CERS4: variants seen among roughly 807,000 people sequenced by gnomAD.
The protein encoded by CERS4 is LAG1 homolog, ceramide synthase 4.
A neutral mutation model predicts 51.8 loss-of-function variants in CERS4; 65 were observed. The observed-to-expected ratio is 1.26, with a 90% CI of 1.03 to 1.54. The LOEUF (loss-of-function observed/expected upper bound fraction) is 1.54, where lower values mean the gene tolerates loss of function less well. Among genes scored for constraint, CERS4 ranks in the 40% most tolerant of loss-of-function variants. The pLI, the probability that CERS4 is intolerant of heterozygous loss-of-function variation, is 0.00. For synonymous variants in CERS4, 228 were observed against 208.4 expected (o/e 1.09, Z -0.81); for missense variants, 563 against 500.4 (o/e 1.13, Z -1.19).
intron 10 of CERS4, among the ~76,000 whole-genome samples, chr19:8,258,830 A>G (rs1299632209): frequency 2.6e-4 from 40 of 151,020 alleles, no homozygotes; most frequent in Admixed American, 2.6e-3. Flanking sequence ...TGACAGAGGG[A>G]GACTTTGTCT....
chr19:8,254,459 C>T lies in CERS4; in HGVS notation c.174-40C>T, dbSNP rs1969261757. On this transcript the variant is annotated intron_variant, in intron 3 of 11. Coordinates refer to ENST00000251363, the MANE Select transcript of CERS4 (RefSeq NM_024552.3). ...CCCCCACACACAGGCAGTCCCATCT[C>T]TTCACCTGGGCTGATAGGCTCTGTC... The T allele has an allele frequency of 1.9e-6, 3 of 1,598,280 alleles. No homozygotes were observed. The South Asian group carries it at 3.3e-5, about 18-fold the overall frequency.
At chr19:8,232,987 C>T (rs1433782539) in intron 2 of CERS4, among the ~76,000 whole-genome samples, 2 of 148,120 alleles carry the variant, frequency 1.4e-5, no homozygotes, top group South Asian at 2.1e-4. Flanking sequence ...ATCCTCCCGC[C>T]TTGACTTCCC....
At chr19:8,234,805 C>T (rs1407445400) in intron 2 of CERS4, among the ~76,000 whole-genome samples, 4 of 151,600 alleles carry the variant, frequency 2.6e-5, no homozygotes, top group Non-Finnish European at 4.4e-5. Flanking sequence ...CCACCTGCCT[C>T]GGCTTCTCAT....
intron 8 of CERS4, 76 bp from the exon 9 acceptor site, chr19:8,256,873 C>A: frequency 6.2e-7 from 1 of 1,608,668 alleles, no homozygotes; most frequent in Non-Finnish European, 8.5e-7. Flanking sequence ...CTGAAAGGAC[C>A]CACTTCTTGG....
chr19:8,221,894 T>TG (rs1967575127), intron 2 of CERS4, among the ~76,000 whole-genome samples: 1 of 128,206 alleles, frequency 7.8e-6, no homozygotes, highest in Non-Finnish European at 1.7e-5. Context: ...TTTTTTTTTT[T>TG]TTTTTGAGAC....
At chr19:8,244,352 C>T (rs1395311238) in intron 2 of CERS4, among the ~76,000 whole-genome samples, 3 of 152,164 alleles carry the variant, frequency 2.0e-5, no homozygotes, top group Non-Finnish European at 4.4e-5. Context: ...TGAGAGATTG[C>T]CTCCCTGCAG....
At chr19:8,230,799 T>C (rs538939075) in intron 2 of CERS4, among the ~76,000 whole-genome samples, 199 of 152,294 alleles carry the variant, frequency 1.3e-3, no homozygotes, top group Non-Finnish European at 2.2e-3. Flanking sequence ...TCAGATTGTG[T>C]ATATTTTTAA....
chr19:8,241,721 G>A lies in CERS4; in HGVS notation c.-1-9355G>A, dbSNP rs576064100. 2.0e-5 allele frequency among the ~76,000 whole-genome samples: 3 copies of A among 152,236 alleles called. No individual in the cohort carries two copies. The East Asian group carries it at 5.8e-4, about 29-fold the overall frequency. ...GAGGCACAGATAGGCCACGTTCCATGCCTGGTAAACGGGTGAGGCAGGAAT... is the reference window on the plus strand; with the variant it reads ...GAGGCACAGATAGGCCACGTTCCATACCTGGTAAACGGGTGAGGCAGGAAT... On this transcript the variant is annotated intron_variant, in intron 2 of 11. Transcript: ENST00000251363.
At chr19:8,232,770 G>A (rs943994796) in intron 2 of CERS4, among the ~76,000 whole-genome samples, 4 of 148,428 alleles carry the variant, frequency 2.7e-5, no homozygotes, top group Non-Finnish European at 5.9e-5. Flanking sequence ...GCCCAGGTTA[G>A]AGTGCTGGTG....
chr19:8,242,164 A>G (rs1968565467), intron 2 of CERS4, among the ~76,000 whole-genome samples: 1 of 152,320 alleles, frequency 6.6e-6, no homozygotes, highest in Non-Finnish European at 1.5e-5. Flanking sequence ...AGGGCTTTGA[A>G]GCATTGCAGC....
intron 3 of CERS4, among the ~76,000 whole-genome samples, chr19:8,253,449 C>CTTT (rs35212733): frequency 0.012 from 901 of 74,046 alleles, 9 homozygotes; most frequent in African/African-American, 0.033. Flanking sequence ...GTCCAGCTGC[C>CTTT]TTTTTTTTTT....
At chr19:8,225,720 G>A (rs923847166) in intron 2 of CERS4, among the ~76,000 whole-genome samples, 2 of 150,888 alleles carry the variant, frequency 1.3e-5, no homozygotes, top group East Asian at 4.1e-4. Flanking sequence ...CACCGTACCC[G>A]GCCGTGTTTT....
intron 2 of CERS4, among the ~76,000 whole-genome samples, chr19:8,241,623 C>A (rs753028702): frequency 2.0e-5 from 3 of 152,160 alleles, no homozygotes; most frequent in Non-Finnish European, 4.4e-5. Flanking sequence ...GTGCTCACTC[C>A]ACCTCAGGTG....
In CERS4 at chr19:8,262,371, TG is replaced by T. The variant is rs1568546844; in HGVS notation, c.*268del. 4 of 387,046 alleles carry T rather than the reference TG, an allele frequency of 1.0e-5. No homozygotes were observed. The highest frequency in any genetic ancestry group is 1.4e-5 in the Non-Finnish European group (3 of 219,458). 24.0% of individuals were successfully genotyped at this position (387,046 alleles called of 1,614,324 possible). On this transcript the variant is annotated 3_prime_UTR_variant, in exon 12 of 12. Coordinates refer to ENST00000251363, the MANE Select transcript of CERS4 (RefSeq NM_024552.3). Reference sequence around the variant, plus strand: ...CACCTCCAGGCTGTGGCCTGGGGGCTGGGGGGAGCCCCAGGCTGAAAAGGGT... The same window carrying T: ...CACCTCCAGGCTGTGGCCTGGGGGCTGGGGGAGCCCCAGGCTGAAAAGGGT...
rs111564662 is a variant in CERS4 at position 8,254,610 on chromosome 19, C to T, written c.285C>T (p.Pro95=). 6.2e-7 allele frequency: 1 copy of T among 1,606,986 alleles called. No homozygotes were observed. The highest frequency in any genetic ancestry group is 8.5e-7 in the Non-Finnish European group (1 of 1,177,602). The change falls in exon 4 of 12, where the codon CCC becomes CCT. Residue 95 remains proline, a synonymous_variant. Coordinates refer to ENST00000251363, the MANE Select transcript of CERS4 (RefSeq NM_024552.3). The part of the protein sequence containing the change: ...EKHFLTEGHR[P]KEPQLSLLAA... The stretch of plus-strand genomic sequence containing the variant: ...ACTTCCTCACGGAAGGGCACAGGCC[C>T]AAGGAGGTGAGAGCCCCCCATGCCC...
chr19:8,251,050 C>G, intron 2 of CERS4, 26 bp from the exon 3 acceptor site: 1 of 1,555,466 alleles, frequency 6.4e-7, no homozygotes, highest in East Asian at 2.4e-5. Context: ...GCAGACCTCC[C>G]AGCTAACTGG....
chr19:8,238,458 G>A, intron 2 of CERS4: 2 of 972,814 alleles, frequency 2.1e-6, no homozygotes, highest in South Asian at 9.5e-5. Flanking sequence ...GAGGCCTGGA[G>A]GCTTGGGGCT....
At position 8,261,797 on chromosome 19, in the gene CERS4, T is replaced by G; in HGVS notation, c.958T>G (p.Ser320Ala). 6.2e-7 allele frequency: 1 copy of G among 1,614,130 alleles called. No individual in the cohort carries two copies. Among genetic ancestry groups the G allele is most frequent in the Non-Finnish European group, 8.5e-7 (1 of 1,179,996 alleles). Residue 320 changes from serine (S) to alanine (A), a missense_variant, in exon 11 of 12, where the codon TCT becomes GCT. Physicochemically the swap from Ser to Ala is moderately conservative, Grantham distance 99. Transcript: ENST00000251363. ...MLLQLLHVFW[S>A]CLILRMLYSF... ...GCTGCAGCTGCTGCACGTGTTCTGGTCTTGCCTCATTCTGCGCATGCTCTA... is the reference window on the plus strand; with the variant it reads ...GCTGCAGCTGCTGCACGTGTTCTGGGCTTGCCTCATTCTGCGCATGCTCTA...
intron 2 of CERS4, among the ~76,000 whole-genome samples, chr19:8,235,251 C>T (rs945289579): frequency 6.6e-6 from 1 of 151,470 alleles, no homozygotes; most frequent in Non-Finnish European, 1.5e-5. Context: ...TCGTGATCTG[C>T]CCCCCTCAGC....
Sources: allele counts gnomAD v4.1 joint callset (sites outside exome capture counted in the v4.1 genomes callset), GRCh38; gene constraint gnomAD v4.1.1; transcripts MANE v1.5; gene names NCBI Gene and HGNC (gene_info 2026-07-23, HGNC 2026-07-21).